The following GTF2A2 variants were observed in gnomAD, a reference collection of about 807,000 sequenced individuals.
The protein encoded by GTF2A2 is general transcription factor IIA subunit 2.
A neutral mutation model predicts 14.3 loss-of-function variants in GTF2A2; 9 were observed. The ratio of observed to expected loss-of-function variants is 0.63; its 90% confidence interval spans 0.38 to 1.10. The LOEUF (loss-of-function observed/expected upper bound fraction) is 1.10, where lower values mean the gene tolerates loss of function less well. Ranked by LOEUF, GTF2A2 falls within the 50% of genes least tolerant of loss-of-function variation. The pLI is 0.01. For synonymous variants in GTF2A2, 56 were observed against 46.0 expected (o/e 1.22, Z -0.88); for missense variants, 90 against 124.6 (o/e 0.72, Z 1.32).
At chr15:59,653,932 A>C (rs1326702015) in intron 1 of GTF2A2, among the ~76,000 whole-genome samples, 1 of 152,166 alleles carries the variant, frequency 6.6e-6, no homozygotes, top group African/African-American at 2.4e-5. Flanking sequence ...CCAATCCATC[A>C]GCCAACCTTT....
intron 4 of GTF2A2, 61 bp from the exon 5 acceptor site, chr15:59,639,218 T>G (rs183770643): frequency 4.7e-4 from 472 of 995,366 alleles, no homozygotes; most frequent in Non-Finnish European, 7.1e-4. Flanking sequence ...ATTTTACAAT[T>G]AACTATTTTA....
At chr15:59,652,823 G>A (rs187005699) in intron 1 of GTF2A2, 4 of 152,714 alleles carry the variant, frequency 2.6e-5, no homozygotes, top group African/African-American at 9.6e-5. Context: ...TTATACTCTA[G>A]AGAATGTAAC....
chr15:59,647,392 C>A (rs28422085), intron 3 of GTF2A2, among the ~76,000 whole-genome samples: 9,691 of 152,136 alleles, frequency 0.064, 539 homozygotes, highest in East Asian at 0.25. Flanking sequence ...AGCTGCAGTG[C>A]CAGATAATTA....
At chr15:59,645,737 AGAGTGTGTAT>A (rs1161559282) in intron 3 of GTF2A2, among the ~76,000 whole-genome samples, 1 of 152,134 alleles carries the variant, frequency 6.6e-6, no homozygotes, top group Non-Finnish European at 1.5e-5. Flanking sequence ...CACGATCTTA[AGAGTGTGTAT>A]ATTACTGGCC....
At chr15:59,642,047 G>A (rs1026624441) in intron 4 of GTF2A2, 89 bp downstream of exon 4, 29 of 1,186,860 alleles carry the variant, frequency 2.4e-5, no homozygotes, top group Middle Eastern at 2.9e-4. Context: ...CATTTTACCC[G>A]TTAGGCTTTT....
chr15:59,646,834 T>C (rs1891623894), intron 3 of GTF2A2, among the ~76,000 whole-genome samples: 1 of 152,022 alleles, frequency 6.6e-6, no homozygotes, highest in Non-Finnish European at 1.5e-5. Flanking sequence ...AGAAATAATA[T>C]AATCTTTTTA....
At chr15:59,642,454 A>G (rs1264938689) in intron 3 of GTF2A2, among the ~76,000 whole-genome samples, 192 bp from the exon 4 acceptor site, 1 of 152,208 alleles carries the variant, frequency 6.6e-6, no homozygotes, top group Non-Finnish European at 1.5e-5. Flanking sequence ...GATTTCAAAA[A>G]TATTTTAGTT....
chr15:59,645,572 A>G (rs1432407273), intron 3 of GTF2A2, among the ~76,000 whole-genome samples: 1 of 152,228 alleles, frequency 6.6e-6, no homozygotes, highest in Non-Finnish European at 1.5e-5. Flanking sequence ...AAAGTCACCC[A>G]TGACGTTAAG....
intron 3 of GTF2A2, among the ~76,000 whole-genome samples, chr15:59,645,682 C>T (rs1322707530): frequency 6.6e-6 from 1 of 152,140 alleles, no homozygotes; most frequent in Non-Finnish European, 1.5e-5. Context: ...CAGCTAGATG[C>T]CAAACTCAAC....
chr15:59,647,772 G>C (rs1375725697), intron 3 of GTF2A2, among the ~76,000 whole-genome samples: 1 of 151,822 alleles, frequency 6.6e-6, no homozygotes, highest in Non-Finnish European at 1.5e-5. Context: ...GTTTCACTGT[G>C]TTGGCCAGTC....
At chr15:59,652,546 C>T (rs1446831571) in intron 1 of GTF2A2, among the ~76,000 whole-genome samples, 3 of 152,070 alleles carry the variant, frequency 2.0e-5, no homozygotes, top group Admixed American at 2.0e-4. Flanking sequence ...CTCCTTTATG[C>T]AGTATAGCTG....
At chr15:59,642,574 GTTCA>G (rs1408775823) in intron 3 of GTF2A2, among the ~76,000 whole-genome samples, 2 of 152,128 alleles carry the variant, frequency 1.3e-5, no homozygotes, top group East Asian at 1.9e-4. Flanking sequence ...AGTTATGAAA[GTTCA>G]TTCAAATTAT....
chr15:59,646,669 C>T (rs569888063), intron 3 of GTF2A2, among the ~76,000 whole-genome samples: 1 of 152,020 alleles, frequency 6.6e-6, no homozygotes, highest in Admixed American at 6.6e-5. Flanking sequence ...ATTTATTTTA[C>T]CACAAAAATA....
At chr15:59,648,876 G>C (rs938321045) in intron 3 of GTF2A2, among the ~76,000 whole-genome samples, 5 of 152,090 alleles carry the variant, frequency 3.3e-5, no homozygotes, top group Non-Finnish European at 7.3e-5. Context: ...GGAGCTTGCA[G>C]TGAGCCAAGA....
chr15:59,643,595 CTTTTTTTTTT>C (rs34047348), intron 3 of GTF2A2, among the ~76,000 whole-genome samples: 1 of 109,828 alleles, frequency 9.1e-6, no homozygotes, highest in African/African-American at 3.5e-5. Flanking sequence ...GAAATTTTTA[CTTTTTTTTTT>C]TTTTTTTTTG....
intron 4 of GTF2A2, among the ~76,000 whole-genome samples, chr15:59,639,726 G>A (rs1253192223): frequency 6.6e-6 from 1 of 151,122 alleles, no homozygotes; most frequent in Non-Finnish European, 1.5e-5. Flanking sequence ...CCAAAGTGCT[G>A]GCATTAGAGG....
chr15:59,645,577 G>A (rs1038391293), intron 3 of GTF2A2, among the ~76,000 whole-genome samples: 1 of 152,142 alleles, frequency 6.6e-6, no homozygotes, highest in Non-Finnish European at 1.5e-5. Context: ...CACCCATGAC[G>A]TTAAGGGAAA....
At chr15:59,654,876 T>C (rs527713653) in intron 1 of GTF2A2, among the ~76,000 whole-genome samples, 6 of 152,298 alleles carry the variant, frequency 3.9e-5, no homozygotes, top group East Asian at 1.9e-4. Flanking sequence ...TACTTAGTGA[T>C]TGAGTACCCC....
chr15:59,638,438 TACA>T lies in GTF2A2; in HGVS notation c.*691_*693del. 1.5e-5 allele frequency: 2 copies of T among 135,360 alleles called. No homozygotes were observed. Among genetic ancestry groups the T allele is most frequent in the Non-Finnish European group, 3.3e-5 (2 of 60,462 alleles). 8.4% of individuals were successfully genotyped at this position (135,360 alleles called of 1,614,324 possible). A position where few individuals can be genotyped will look rare whatever the true frequency, so the allele number is the denominator to read the frequency against. Reference sequence around the variant, plus strand: ...TTTATTGTAAGTCTAATGTATCTTGTACATGATAAAATGTATGAACTTTGGATC... The same window carrying T: ...TTTATTGTAAGTCTAATGTATCTTGTTGATAAAATGTATGAACTTTGGATC... On this transcript the variant is annotated 3_prime_UTR_variant, in exon 5 of 5. Coordinates refer to ENST00000396060, the MANE Select transcript of GTF2A2 (RefSeq NM_004492.3).
Sources: gnomAD v4.1 joint callset for allele counts (sites outside exome capture counted in the v4.1 genomes callset) on GRCh38, gnomAD v4.1.1 for gene constraint, MANE v1.5 for transcripts, NCBI Gene and HGNC (gene_info 2026-07-23, HGNC 2026-07-21) for gene names.